The following MAPK6 variants were observed in gnomAD, a reference collection of about 807,000 sequenced individuals.
The protein encoded by MAPK6 is mitogen-activated protein kinase 6.
MAPK6 carries 19 observed loss-of-function variants against 59.3 expected under a neutral mutation model. The ratio of observed to expected loss-of-function variants is 0.32; its 90% CI spans 0.22 to 0.47. MAPK6 has a LOEUF of 0.47. Among genes scored for constraint, MAPK6 ranks in the 20% least tolerant of loss-of-function variants. MAPK6 has a pLI of 1.00. For missense variants in MAPK6, 724 were observed against 847.9 expected (o/e 0.85, Z 1.81); for synonymous variants, 316 against 290.3 (o/e 1.09, Z -0.90).
chr15:52,038,134 G>T lies in MAPK6; in HGVS notation c.-631-7696G>T, dbSNP rs1469945629. 2.1e-5 allele frequency among the ~76,000 whole-genome samples: 3 copies of T among 142,562 alleles called. No homozygotes were observed. The East Asian group carries it at 6.0e-4, about 29-fold the overall frequency. 93.5% of individuals were successfully genotyped at this position (142,562 alleles called of 152,430 possible). On this transcript the variant is annotated intron_variant, in intron 1 of 5. Coordinates refer to ENST00000261845, the MANE Select transcript of MAPK6 (RefSeq NM_002748.4). ...GCCCCTGTGCTCCAGGAGTAATAAT[G>T]TGTTCCTTTGAGCTCAAGATTGAAA...
At chr15:51,987,272 C>A (rs780415168) in intron 2 of MAPK6, among the ~76,000 whole-genome samples, 8 of 152,110 alleles carry the variant, frequency 5.3e-5, no homozygotes, top group Non-Finnish European at 1.2e-4. Context: ...AGAATAAAAT[C>A]TGAAGTCCTC....
At chr15:52,026,076 T>C (rs2030762600) in intron 1 of MAPK6, among the ~76,000 whole-genome samples, 1 of 152,226 alleles carries the variant, frequency 6.6e-6, no homozygotes, top group Non-Finnish European at 1.5e-5. Flanking sequence ...TCAGTTTCTT[T>C]CCATCTTAAC....
At chr15:51,995,218 A>C (rs754375265) in intron 2 of MAPK6, among the ~76,000 whole-genome samples, 1 of 152,226 alleles carries the variant, frequency 6.6e-6, no homozygotes, top group Non-Finnish European at 1.5e-5. Context: ...AGCTGACCTC[A>C]TGAGGAGCTC....
At chr15:52,058,516 T>C in intron 3 of MAPK6, 117 bp from the exon 4 acceptor site, 1 of 794,446 alleles carries the variant, frequency 1.3e-6, no homozygotes, top group Non-Finnish European at 1.9e-6. Context: ...CTGCTGATGA[T>C]ACAATTCAAA....
Position 52,065,816 on chromosome 15 carries a change from G to C in MAPK6, c.*816G>C, listed in dbSNP as rs1008120109. 12 of 152,448 alleles carry C rather than the reference G, an allele frequency of 7.9e-5. No individual in the cohort carries two copies. Among genetic ancestry groups the C allele is most frequent in the African/African-American group, 2.7e-4 (11 of 41,382 alleles). The allele number at this position is 152,448 out of a possible 1,614,324, so 9.4% of individuals were successfully genotyped here. On this transcript the variant is annotated 3_prime_UTR_variant, in exon 6 of 6. Coordinates refer to ENST00000261845, the MANE Select transcript of MAPK6 (RefSeq NM_002748.4). ...CATCTATAATGTCAGCTTATCCTAA[G>C]GCTGTCCACGTACTTAATTTACTTA...
At chr15:51,977,504 G>T (rs188236373) in intron 1 of MAPK6, among the ~76,000 whole-genome samples, 1 of 151,792 alleles carries the variant, frequency 6.6e-6, no homozygotes, top group African/African-American at 2.4e-5. Context: ...CCCTCCTACA[G>T]TTCCTACTCC....
At chr15:52,009,561 C>T (rs1490570207) in intron 3 of MAPK6, among the ~76,000 whole-genome samples, 3 of 152,320 alleles carry the variant, frequency 2.0e-5, no homozygotes, top group East Asian at 1.9e-4. Flanking sequence ...ATTTGCCTTG[C>T]TTCCAGAAAA....
intron 1 of MAPK6, among the ~76,000 whole-genome samples, chr15:52,039,924 G>C (rs1454714155): frequency 2.6e-5 from 4 of 152,126 alleles, no homozygotes; most frequent in African/African-American, 9.7e-5. Context: ...TTCAGACTTT[G>C]GCATTTTAGA....
At position 52,048,950 on chromosome 15, in the gene MAPK6, C is replaced by G. The variant is rs183931253; in HGVS notation, c.556-1043C>G. On this transcript the variant is annotated intron_variant, in intron 2 of 5. Coordinates refer to ENST00000261845, the MANE Select transcript of MAPK6 (RefSeq NM_002748.4). ...ACAGTGAAGTATTGTGGATAGAGCA[C>G]TGAACTAATAAGACTTATACTATAT... 4.6e-4 allele frequency among the ~76,000 whole-genome samples: 70 copies of G among 151,980 alleles called. 1 individual carries two copies. In the East Asian group the frequency reaches 0.013, roughly 27 times the overall value.
intron 1 of MAPK6, among the ~76,000 whole-genome samples, chr15:52,024,912 A>T (rs1289178078): frequency 2.7e-5 from 3 of 109,338 alleles, no homozygotes; most frequent in Non-Finnish European, 3.5e-5. Context: ...TAAGAATTGG[A>T]GTCTCACTGT....
At position 52,065,007 on chromosome 15, in the gene MAPK6, C is replaced by G. The variant is rs747303169; in HGVS notation, c.*7C>G. On this transcript the variant is annotated 3_prime_UTR_variant, in exon 6 of 6. Transcript: ENST00000261845. ...TCTGAAACATCTGAACTAAAACACT[C>G]AGCAGACATTTATCTTTGTATTCTT... 1.9e-6 allele frequency: 3 copies of G among 1,587,760 alleles called. No homozygotes were observed. The South Asian group carries it at 3.4e-5, about 18-fold the overall frequency.
chr15:52,012,997 AAAAAAAAAAAAAAAAAAAAAAAAAT>A (rs1466635497), intron 3 of MAPK6, among the ~76,000 whole-genome samples: 37 of 11,584 alleles, frequency 3.2e-3, no homozygotes, highest in African/African-American at 6.6e-3. Flanking sequence ...GAAAAAAAAA[AAAAAAAAAAAAAAAAAAAAAAAAAT>A]ATATATATAT....
At chr15:51,992,293 A>ATCTATCTATCTATC (rs56098548) in intron 2 of MAPK6, among the ~76,000 whole-genome samples, 2,923 of 101,230 alleles carry the variant, frequency 0.029, 125 homozygotes, top group African/African-American at 0.097. Flanking sequence ...CTATCTATCT[A>ATCTATCTATCTATC]TATATATATA....
intron 3 of MAPK6, among the ~76,000 whole-genome samples, chr15:52,010,120 G>A (rs2030011673): frequency 6.6e-6 from 1 of 152,142 alleles, no homozygotes; most frequent in African/African-American, 2.4e-5. Flanking sequence ...GTCATAGTCT[G>A]AGAAAATGAT....
At chr15:52,018,530 T>C (rs1320696070), upstream of MAPK6, among the ~76,000 whole-genome samples, 1 of 152,248 alleles carries the variant, frequency 6.6e-6, no homozygotes, top group East Asian at 1.9e-4. Flanking sequence ...TAAGCCATGA[T>C]AAGTAATGTA....
At chr15:51,981,202 G>T (rs1157004228) in intron 1 of MAPK6, among the ~76,000 whole-genome samples, 4 of 151,582 alleles carry the variant, frequency 2.6e-5, no homozygotes, top group Non-Finnish European at 5.9e-5. Flanking sequence ...GGCCGGGTGC[G>T]GTGGCTCATG....
At chr15:51,983,005 C>T (rs1396234680) in intron 1 of MAPK6, among the ~76,000 whole-genome samples, 1 of 152,136 alleles carries the variant, frequency 6.6e-6, no homozygotes, top group Non-Finnish European at 1.5e-5. Flanking sequence ...ATAAGTTTAA[C>T]TTTCAGATGT....
rs1317600514 is a variant in MAPK6, at chr15:52,058,612, TTG to T, written c.701-19_701-18del. On this transcript the variant is annotated intron_variant, in intron 3 of 5. Coordinates refer to ENST00000261845, the MANE Select transcript of MAPK6 (RefSeq NM_002748.4). ...AGTAAACATTGAGGAATGTGTTTTT[TTG>T]TTTGTTTTTTAACCTCAGGTGCACA... The T allele has an allele frequency of 5.7e-6, 9 of 1,571,372 alleles. No individual in the cohort carries two copies. The highest frequency in any genetic ancestry group is 7.8e-6 in the Non-Finnish European group (9 of 1,157,170).
At chr15:52,026,969 G>A (rs1192088689) in intron 1 of MAPK6, among the ~76,000 whole-genome samples, 1 of 151,796 alleles carries the variant, frequency 6.6e-6, no homozygotes, top group Non-Finnish European at 1.5e-5. Context: ...AGAATCGCTT[G>A]AACCCAGGAG....
Sources: gnomAD v4.1 joint callset for allele counts (sites outside exome capture counted in the v4.1 genomes callset) on GRCh38, gnomAD v4.1.1 for gene constraint, MANE v1.5 for transcripts, NCBI Gene and HGNC (gene_info 2026-07-23, HGNC 2026-07-21) for gene names.